The following INTS14 variants were observed in gnomAD, a reference collection of about 807,000 sequenced individuals.
INTS14 encodes integrator complex subunit 14.
A neutral mutation model predicts 56.9 loss-of-function variants in INTS14; 27 were observed. The observed-to-expected ratio is 0.47, with a 90% CI of 0.35 to 0.65. The LOEUF (loss-of-function observed/expected upper bound fraction) is 0.65. INTS14 is among the 30% of genes least tolerant of loss of function. The probability of loss-of-function intolerance (pLI) is 0.00; values close to 1 mark genes in which losing one functional copy is unlikely to be tolerated. For synonymous variants in INTS14, 207 were observed against 236.2 expected (o/e 0.88, Z 1.13); for missense variants, 517 against 632.2 (o/e 0.82, Z 1.95).
At chr15:65,598,585 A>G (rs1297812835) in intron 5 of INTS14, 122 bp from the exon 6 acceptor site, 2 of 1,032,770 alleles carry the variant, frequency 1.9e-6, no homozygotes, top group East Asian at 5.2e-5. Flanking sequence ...GACCATCTGT[A>G]AAACAGAACA....
intron 3 of INTS14, among the ~76,000 whole-genome samples, chr15:65,602,984 T>C (rs2073497178): frequency 6.6e-6 from 1 of 152,212 alleles, no homozygotes; most frequent in Non-Finnish European, 1.5e-5. Flanking sequence ...AAATCTGAAT[T>C]TCTCCTCTAA....
chr15:65,610,554 G>C, intron 1 of INTS14: 1 of 978,688 alleles, frequency 1.0e-6, no homozygotes, highest in Admixed American at 2.4e-5. Context: ...ATTTGGCCTT[G>C]AATACCAAGT....
At chr15:65,592,216 T>C (rs1222818576) in intron 8 of INTS14, among the ~76,000 whole-genome samples, 1 of 152,220 alleles carries the variant, frequency 6.6e-6, no homozygotes, top group Admixed American at 6.5e-5. Context: ...ACAAGTAGCT[T>C]GGGTGCCAAG....
chr15:65,580,324 T>A (rs2072552585), intron 11 of INTS14, among the ~76,000 whole-genome samples: 1 of 152,158 alleles, frequency 6.6e-6, no homozygotes, highest in Non-Finnish European at 1.5e-5. Context: ...TGAGCTCTAA[T>A]ATGTAGCATT....
chr15:65,595,798 A>G lies in INTS14; in HGVS notation c.776T>C (p.Ile259Thr), dbSNP rs1293563801. 6 of 1,608,646 alleles carry G rather than the reference A, an allele frequency of 3.7e-6. No homozygotes were observed. The highest frequency in any genetic ancestry group is 5.1e-6 in the Non-Finnish European group (6 of 1,178,552). ...TDLEIVGFID[I>T]ADISSPPVLS... is the part of the protein sequence containing the mutation. ...AACTGGGGGACTTGAAATATCAGCT[A>G]TATCAATAAATCCCACTATTTCCAA... The change falls in exon 7 of 12, where the codon ATA (isoleucine) becomes ACA (threonine). Residue 259 changes from isoleucine (I) to threonine (T), a missense_variant. Ile to Thr is a moderately conservative substitution (Grantham distance 89, BLOSUM62 -1). Transcript: ENST00000313182.
intron 9 of INTS14, among the ~76,000 whole-genome samples, chr15:65,586,207 T>C: frequency 6.6e-6 from 1 of 152,262 alleles, no homozygotes; most frequent in South Asian, 2.1e-4. Context: ...AGAATATTTA[T>C]TAAGTTCCAA....
At position 65,598,467 on chromosome 15, in the gene INTS14, G is replaced by A. The variant is rs2073299260; in HGVS notation, c.606-4C>T. Reference sequence around the variant, plus strand: ...ATATGCCAAATCTATCAGTTTTCTAGAATATGATAATTAATAGTTATAGGA... The same window carrying A: ...ATATGCCAAATCTATCAGTTTTCTAAAATATGATAATTAATAGTTATAGGA... On this transcript the variant is annotated splice_polypyrimidine_tract_variant and splice_region_variant and intron_variant, in intron 5 of 11. Coordinates refer to ENST00000313182, the MANE Select transcript of INTS14 (RefSeq NM_001394796.1). The A allele has an allele frequency of 1.2e-6, 2 of 1,612,400 alleles. No individual in the cohort carries two copies. The highest frequency in any genetic ancestry group is 1.7e-6 in the Non-Finnish European group (2 of 1,179,050).
At chr15:65,602,564 C>T (rs1050342908) in intron 3 of INTS14, among the ~76,000 whole-genome samples, 2 of 152,124 alleles carry the variant, frequency 1.3e-5, no homozygotes, top group East Asian at 1.9e-4. Flanking sequence ...GGATTACAGG[C>T]GTGAGCCGTC....
At chr15:65,606,841 T>C (rs1487396033) in intron 2 of INTS14, among the ~76,000 whole-genome samples, 1 of 152,160 alleles carries the variant, frequency 6.6e-6, no homozygotes, top group East Asian at 1.9e-4. Flanking sequence ...AGAAAAAAAT[T>C]AAGTGTTGAG....
intron 10 of INTS14, among the ~76,000 whole-genome samples, chr15:65,584,044 G>A (rs1484618861): frequency 6.6e-6 from 1 of 152,152 alleles, no homozygotes; most frequent in Non-Finnish European, 1.5e-5. Context: ...GCTCAAAGGA[G>A]AAAAAAGTTT....
intron 9 of INTS14, among the ~76,000 whole-genome samples, chr15:65,587,530 A>G (rs1335194259): frequency 6.6e-6 from 1 of 152,234 alleles, no homozygotes; most frequent in Non-Finnish European, 1.5e-5. Flanking sequence ...ACATCATGTA[A>G]CAAGGACTGA....
intron 8 of INTS14, among the ~76,000 whole-genome samples, chr15:65,592,763 C>A (rs1010300639): frequency 6.6e-6 from 1 of 151,872 alleles, no homozygotes; most frequent in African/African-American, 2.4e-5. Context: ...TTCGTTCTAT[C>A]CCCTCATTTT....
intron 3 of INTS14, among the ~76,000 whole-genome samples, chr15:65,601,337 C>A (rs1460519046): frequency 6.6e-6 from 1 of 152,026 alleles, no homozygotes; most frequent in Non-Finnish European, 1.5e-5. Context: ...TAACAATAGG[C>A]CATTAAGGCA....
Position 65,579,425 on chromosome 15 carries a change from T to A in INTS14, c.1540A>T (p.Ser514Cys), listed in dbSNP as rs2072495316. Residue 514 changes from serine (S) to cysteine (C), a missense_variant, in exon 12 of 12, where the codon AGC (serine) becomes TGC (cysteine). By Grantham distance (112) the Ser-to-Cys change is moderately radical. Coordinates refer to ENST00000313182, the MANE Select transcript of INTS14 (RefSeq NM_001394796.1). The stretch of plus-strand genomic sequence containing the variant: ...AGTCAGTTTCAAATTCTTTCAGTGC[T>A]GCTCCCAGAGAAGTCCGTGTGCAAA... ...TPLHTDFSGS[S>C]TERI is the part of the protein sequence containing the mutation. 6.2e-7 allele frequency: 1 copy of A among 1,611,540 alleles called. No individual in the cohort carries two copies. Among genetic ancestry groups the A allele is most frequent in the Admixed American group, 1.7e-5 (1 of 59,936 alleles).
rs2073040392 is a variant in INTS14 at position 65,591,735 on chromosome 15, G to C, written c.987-4C>G. On this transcript the variant is annotated splice_region_variant and splice_polypyrimidine_tract_variant and intron_variant, in intron 8 of 11. Transcript: ENST00000313182. The stretch of plus-strand genomic sequence containing the variant: ...GAGCATTCCATGCCATTCAGGACTA[G>C]ATGGAGAGAAGACGGAAGATCAGAA... The C allele has an allele frequency of 3.1e-6, 5 of 1,613,646 alleles. No homozygotes were observed. Among genetic ancestry groups the C allele is most frequent in the African/African-American group, 2.7e-5 (2 of 74,916 alleles).
chr15:65,581,547 C>CAAAAAAAAAAAAAAAAAAAAAAAAAAA (rs57782914), intron 11 of INTS14, among the ~76,000 whole-genome samples: 1 of 47,732 alleles, frequency 2.1e-5, no homozygotes, highest in Non-Finnish European at 3.5e-5. Context: ...GACTCCATCT[C>CAAAAAAAAAAAAAAAAAAAAAAAAAAA]AAAAAAAAAA....
intron 10 of INTS14, among the ~76,000 whole-genome samples, chr15:65,584,155 T>C (rs1478201049): frequency 6.6e-6 from 1 of 152,194 alleles, no homozygotes; most frequent in African/African-American, 2.4e-5. Context: ...TTGATAATCA[T>C]ATTATCATAT....
At chr15:65,606,466 G>C (rs966811517) in intron 2 of INTS14, among the ~76,000 whole-genome samples, 1 of 151,332 alleles carries the variant, frequency 6.6e-6, no homozygotes, top group Non-Finnish European at 1.5e-5. Context: ...TGTTGTCCAG[G>C]CTGGTCTCAA....
intron 3 of INTS14, among the ~76,000 whole-genome samples, chr15:65,600,520 T>G (rs1157078031): frequency 1.3e-5 from 2 of 151,814 alleles, no homozygotes; most frequent in African/African-American, 4.8e-5. Flanking sequence ...GCCCAGCTAC[T>G]TGGGAGGCTG....
Sources: gnomAD v4.1 joint callset for allele counts (sites outside exome capture counted in the v4.1 genomes callset) on GRCh38, gnomAD v4.1.1 for gene constraint, MANE v1.5 for transcripts, NCBI Gene and HGNC (gene_info 2026-07-23, HGNC 2026-07-21) for gene names.